The following CDH13 variants were observed in gnomAD, a reference collection of about 807,000 sequenced individuals.
CDH13 encodes the protein cadherin 13.
CDH13 carries 24 observed loss-of-function variants against 63.8 expected under a neutral mutation model. The ratio of observed to expected loss-of-function variants is 0.38; its 90% CI spans 0.27 to 0.53. CDH13 has a LOEUF of 0.53. Ranked by LOEUF, CDH13 falls within the 20% of genes least tolerant of loss-of-function variation. The pLI, the probability that CDH13 is intolerant of heterozygous loss-of-function variation, is 0.85. For synonymous variants in CDH13, 503 were observed against 355.3 expected (o/e 1.42, Z -4.67); for missense variants, 1,049 against 903.1 (o/e 1.16, Z -2.07).
At chr16:83,331,531 C>T (rs1431697411) in intron 5 of CDH13, among the ~76,000 whole-genome samples, 2 of 152,138 alleles carry the variant, frequency 1.3e-5, no homozygotes, top group East Asian at 1.9e-4. Context: ...TAGTCACTGC[C>T]TGAACAAGTT....
At chr16:83,058,877 G>T (rs1358623046) in intron 3 of CDH13, among the ~76,000 whole-genome samples, 4 of 152,156 alleles carry the variant, frequency 2.6e-5, no homozygotes, top group Non-Finnish European at 4.4e-5. Flanking sequence ...ACAAGGCTTT[G>T]CAAGGATATT....
chr16:82,939,768 C>G (rs553719409), intron 2 of CDH13, among the ~76,000 whole-genome samples: 4 of 152,136 alleles, frequency 2.6e-5, no homozygotes, highest in Non-Finnish European at 5.9e-5. Flanking sequence ...TTTTTTAAAC[C>G]CATTTCTCTA....
chr16:83,732,008 C>T (rs1911086940), intron 10 of CDH13, among the ~76,000 whole-genome samples: 1 of 152,208 alleles, frequency 6.6e-6, no homozygotes, highest in African/African-American at 2.4e-5. Context: ...TTCATACATC[C>T]AACCTAAAGG....
intron 8 of CDH13, among the ~76,000 whole-genome samples, chr16:83,635,341 T>C (rs1441420351): frequency 1.7e-5 from 2 of 116,736 alleles, no homozygotes; most frequent in South Asian, 6.5e-4. Flanking sequence ...TCTTTTTTTT[T>C]TTTTTTTTTT....
intron 2 of CDH13, among the ~76,000 whole-genome samples, chr16:82,891,166 C>A (rs1406368878): frequency 6.6e-6 from 1 of 151,926 alleles, no homozygotes; most frequent in African/African-American, 2.4e-5. Flanking sequence ...TGTTACTGAG[C>A]CTGATCTCTG....
At chr16:83,362,972 C>T (rs2091190944) in intron 6 of CDH13, among the ~76,000 whole-genome samples, 1 of 152,142 alleles carries the variant, frequency 6.6e-6, no homozygotes. Flanking sequence ...GGGGTTTTTC[C>T]TTACAGCATG....
intron 3 of CDH13, among the ~76,000 whole-genome samples, chr16:83,084,349 GT>G (rs2033446000): frequency 6.6e-6 from 1 of 152,134 alleles, no homozygotes. Flanking sequence ...CCCTTTTTAC[GT>G]TCATGTCTGT....
At chr16:82,786,433 C>T (rs1027482405) in intron 1 of CDH13, among the ~76,000 whole-genome samples, 3 of 94,270 alleles carry the variant, frequency 3.2e-5, no homozygotes, top group Non-Finnish European at 6.2e-5. Flanking sequence ...AATCAGAAAA[C>T]AGTTTTTTTT....
intron 1 of CDH13, among the ~76,000 whole-genome samples, chr16:82,663,473 C>G (rs773733579): frequency 6.6e-6 from 1 of 152,104 alleles, no homozygotes; most frequent in African/African-American, 2.4e-5. Flanking sequence ...GCATGAGCCA[C>G]CATGCCCAGC....
At chr16:83,629,093 T>C (rs1030380642) in intron 8 of CDH13, among the ~76,000 whole-genome samples, 7 of 152,204 alleles carry the variant, frequency 4.6e-5, no homozygotes, top group African/African-American at 1.4e-4. Flanking sequence ...ATTTTTGTAT[T>C]TGTAACAGAC....
chr16:83,616,495 A>T (rs1001237259), intron 8 of CDH13, among the ~76,000 whole-genome samples: 1 of 152,166 alleles, frequency 6.6e-6, no homozygotes, highest in Non-Finnish European at 1.5e-5. Flanking sequence ...TAGCTGGCAG[A>T]GTCTTACCAC....
At chr16:83,131,470 C>A (rs910192750) in intron 4 of CDH13, among the ~76,000 whole-genome samples, 3 of 152,120 alleles carry the variant, frequency 2.0e-5, no homozygotes, top group African/African-American at 7.2e-5. Context: ...GCTTTTTCCC[C>A]TCCCCCTTCA....
intron 7 of CDH13, among the ~76,000 whole-genome samples, chr16:83,490,648 C>G (rs2073993616): frequency 6.6e-6 from 1 of 152,150 alleles, no homozygotes; most frequent in Non-Finnish European, 1.5e-5. Flanking sequence ...TTGCCCATGA[C>G]CTATTGCCAG....
chr16:83,572,209 T>TGTGTGTGTGA (rs1567775000), intron 7 of CDH13, among the ~76,000 whole-genome samples: 1 of 143,692 alleles, frequency 7.0e-6, no homozygotes, highest in Non-Finnish European at 1.5e-5. Context: ...TGTGTGTGTG[T>TGTGTGTGTGA]GAGTTTCACT....
chr16:83,213,379 G>C (rs894307467), intron 4 of CDH13, among the ~76,000 whole-genome samples: 14 of 152,126 alleles, frequency 9.2e-5, no homozygotes, highest in Non-Finnish European at 1.5e-5. Flanking sequence ...GAAACGGGAG[G>C]GTGGTGATGT....
intron 13 of CDH13, chr16:83,790,281 T>C (rs368063208): frequency 2.0e-5 from 3 of 152,300 alleles, no homozygotes; most frequent in Admixed American, 6.5e-5. Context: ...CAACTGAGAG[T>C]TGAACTGAAG....
chr16:82,680,794 G>A (rs980009601), intron 1 of CDH13, among the ~76,000 whole-genome samples: 3 of 152,172 alleles, frequency 2.0e-5, no homozygotes, highest in Non-Finnish European at 4.4e-5. Context: ...GCCTGAAAGG[G>A]CAAGGAGAAG....
At chr16:83,131,855 C>T (rs531993055) in intron 4 of CDH13, among the ~76,000 whole-genome samples, 1 of 152,242 alleles carries the variant, frequency 6.6e-6, no homozygotes, top group South Asian at 2.1e-4. Context: ...TGTAACTGGG[C>T]CAAGTGCTGT....
chr16:82,802,417 C>G (rs775695309), intron 1 of CDH13, among the ~76,000 whole-genome samples: 2 of 152,124 alleles, frequency 1.3e-5, no homozygotes, highest in Admixed American at 6.5e-5. Flanking sequence ...AGGAGGATAT[C>G]TGTCTCAAAG....
Sources: allele counts gnomAD v4.1 joint callset (sites outside exome capture counted in the v4.1 genomes callset), GRCh38; gene constraint gnomAD v4.1.1; transcripts MANE v1.5; gene names NCBI Gene and HGNC (gene_info 2026-07-23, HGNC 2026-07-21).